Variants in NTNG1 observed in about 807,000 individuals in gnomAD.
The protein encoded by NTNG1 is netrin G1.
NTNG1 carries 16 observed loss-of-function variants against 54.0 expected under a neutral mutation model. The observed-to-expected ratio is 0.30, with a 90% CI of 0.20 to 0.45. The LOEUF is 0.45. Among genes scored for constraint, NTNG1 ranks in the 20% least tolerant of loss-of-function variants. NTNG1 has a pLI of 1.00. For synonymous variants in NTNG1, 255 were observed against 263.1 expected (o/e 0.97, Z 0.30); for missense variants, 530 against 678.7 (o/e 0.78, Z 2.43).
intron 2 of NTNG1, among the ~76,000 whole-genome samples, chr1:107,323,217 G>C (rs993910347): frequency 2.6e-5 from 4 of 151,998 alleles, no homozygotes; most frequent in African/African-American, 9.7e-5. Context: ...TAATAACTGA[G>C]TACAGAATAA....
At chr1:107,337,419 A>G (rs1668648672) in intron 3 of NTNG1, among the ~76,000 whole-genome samples, 1 of 152,058 alleles carries the variant, frequency 6.6e-6, no homozygotes, top group African/African-American at 2.4e-5. Flanking sequence ...AAGCAAATTC[A>G]TAGAAATAAA....
chr1:107,200,623 A>C (rs1159973223), intron 2 of NTNG1, among the ~76,000 whole-genome samples: 1 of 151,744 alleles, frequency 6.6e-6, no homozygotes, highest in Non-Finnish European at 1.5e-5. Context: ...GGAATACTTC[A>C]AAGCCTTTTT....
At chr1:107,382,627 T>A (rs1458057542) in intron 3 of NTNG1, among the ~76,000 whole-genome samples, 1 of 152,220 alleles carries the variant, frequency 6.6e-6, no homozygotes, top group African/African-American at 2.4e-5. Flanking sequence ...TCTTCATTTC[T>A]CTTTTCAGGG....
At chr1:107,262,536 G>A (rs1570527123) in intron 2 of NTNG1, among the ~76,000 whole-genome samples, 2 of 152,194 alleles carry the variant, frequency 1.3e-5, no homozygotes, top group African/African-American at 4.8e-5. Context: ...GAAGGTTTTA[G>A]GGCAAGGGAT....
intron 2 of NTNG1, among the ~76,000 whole-genome samples, chr1:107,305,729 A>G (rs558703146): frequency 5.9e-4 from 89 of 152,050 alleles, no homozygotes; most frequent in Non-Finnish European, 1.2e-3. Context: ...TGCTGTGCAG[A>G]AGCTCTTTAG....
chr1:107,416,420 C>T (rs998014563), intron 5 of NTNG1, among the ~76,000 whole-genome samples: 5 of 151,964 alleles, frequency 3.3e-5, no homozygotes, highest in African/African-American at 9.7e-5. Flanking sequence ...TCAGTAGGAA[C>T]AGATTGTAAG....
chr1:107,299,330 A>G (rs1448147768), intron 2 of NTNG1, among the ~76,000 whole-genome samples: 1 of 152,204 alleles, frequency 6.6e-6, no homozygotes, highest in Non-Finnish European at 1.5e-5. Flanking sequence ...TTAAAAATCA[A>G]GTATAAAATA....
Position 107,148,786 on chromosome 1 carries a change from C to T in NTNG1, c.193C>T (p.Leu65Phe), listed in dbSNP as rs755381331. The change falls in exon 2 of 8, where the codon CTC becomes TTC. Residue 65 changes from leucine to phenylalanine, a missense_variant. Transcript: ENST00000370068. Reference protein sequence around the residue: ...TDMTKYLKVKLDPPDITCGDP... With the variant: ...TDMTKYLKVKFDPPDITCGDP... ...CATGACAAAATATCTGAAAGTGAAA[C>T]TCGATCCTCCGGATATTACCTGTGG... 5.0e-6 allele frequency: 8 copies of T among 1,613,690 alleles called. No homozygotes were observed. The East Asian group carries it at 6.7e-5, about 13-fold the overall frequency.
At chr1:107,209,463 C>T (rs1223381129) in intron 2 of NTNG1, among the ~76,000 whole-genome samples, 2 of 152,112 alleles carry the variant, frequency 1.3e-5, no homozygotes, top group African/African-American at 2.4e-5. Context: ...GAGATGACAG[C>T]CTTAACAGGT....
intron 3 of NTNG1, among the ~76,000 whole-genome samples, chr1:107,345,084 A>G (rs1039129347): frequency 2.0e-5 from 3 of 152,210 alleles, no homozygotes; most frequent in Non-Finnish European, 2.9e-5. Flanking sequence ...ATAAGACCCA[A>G]TAATTCCAAG....
At chr1:107,420,800 A>G (rs1222702880) in intron 5 of NTNG1, among the ~76,000 whole-genome samples, 1 of 152,052 alleles carries the variant, frequency 6.6e-6, no homozygotes. Context: ...CCTACTATCC[A>G]TATTGTTATG....
At chr1:107,185,686 T>TA (rs1273349927) in intron 2 of NTNG1, among the ~76,000 whole-genome samples, 16 of 152,146 alleles carry the variant, frequency 1.1e-4, no homozygotes, top group Non-Finnish European at 1.9e-4. Context: ...TAGCATCGTT[T>TA]GTGCTGTGCT....
At chr1:107,475,849 G>T (rs1186743778) in intron 7 of NTNG1, among the ~76,000 whole-genome samples, 2 of 152,084 alleles carry the variant, frequency 1.3e-5, no homozygotes, top group African/African-American at 2.4e-5. Context: ...GGCCAGTAGT[G>T]TGCCCTCCCT....
chr1:107,460,065 A>G (rs1558015852), intron 7 of NTNG1, among the ~76,000 whole-genome samples: 1 of 152,150 alleles, frequency 6.6e-6, no homozygotes, highest in Non-Finnish European at 1.5e-5. Flanking sequence ...ATTAGAAAAT[A>G]ATTTGCTTTG....
At chr1:107,255,438 A>G (rs1370980587) in intron 2 of NTNG1, among the ~76,000 whole-genome samples, 3 of 152,194 alleles carry the variant, frequency 2.0e-5, no homozygotes, top group Non-Finnish European at 4.4e-5. Context: ...GCTTTCTACA[A>G]TGGTGCAAAG....
chr1:107,412,159 C>A (rs1349624750), intron 5 of NTNG1, among the ~76,000 whole-genome samples: 1 of 151,154 alleles, frequency 6.6e-6, no homozygotes, highest in African/African-American at 2.4e-5. Context: ...TCTGTGGGGT[C>A]AGGAAATTCG....
intron 3 of NTNG1, among the ~76,000 whole-genome samples, chr1:107,334,755 G>A (rs1308993988): frequency 6.6e-6 from 1 of 151,982 alleles, no homozygotes; most frequent in Non-Finnish European, 1.5e-5. Context: ...TCACTGATCT[G>A]CGTCCCGTGC....
At chr1:107,215,822 G>A (rs1430817745) in intron 2 of NTNG1, among the ~76,000 whole-genome samples, 2 of 150,920 alleles carry the variant, frequency 1.3e-5, no homozygotes, top group East Asian at 1.9e-4. Context: ...TTTCAGCAGG[G>A]TTTTGTAGGT....
chr1:107,382,234 G>T (rs1671692542), intron 3 of NTNG1, among the ~76,000 whole-genome samples: 1 of 152,092 alleles, frequency 6.6e-6, no homozygotes, highest in South Asian at 2.1e-4. Flanking sequence ...CTTAGATATT[G>T]CCAGAAGGTG....
Sources: allele counts gnomAD v4.1 joint callset (sites outside exome capture counted in the v4.1 genomes callset), GRCh38; gene constraint gnomAD v4.1.1; transcripts MANE v1.5; gene names NCBI Gene and HGNC (gene_info 2026-07-23, HGNC 2026-07-21).